Variants in MAF observed in about 807,000 individuals in gnomAD.
The protein encoded by MAF is MAF bZIP transcription factor.
In MAF, 10 loss-of-function variants were observed where a neutral mutation model predicts 22.0. The ratio of observed to expected loss-of-function variants is 0.45; its 90% CI spans 0.28 to 0.77. MAF has a LOEUF of 0.77. MAF is among the 30% of genes least tolerant of loss of function. The pLI is 0.12. For synonymous variants in MAF, 337 were observed against 255.8 expected, an observed-to-expected ratio of 1.32 and a Z score of -3.03; for missense variants, 544 against 548.4, an observed-to-expected ratio of 0.99 and a Z score of 0.08.
the MAF span, among the ~76,000 whole-genome samples, chr16:79,241,756 T>A: frequency 6.6e-6 from 1 of 150,818 alleles, no homozygotes; most frequent in Non-Finnish European, 1.5e-5. Context: ...TTCACCAAGG[T>A]TGAAATAAAG....
the MAF span, among the ~76,000 whole-genome samples, chr16:79,555,159 G>C: frequency 6.6e-6 from 1 of 152,172 alleles, no homozygotes; most frequent in Non-Finnish European, 1.5e-5. Context: ...GCAGTGGCCA[G>C]CTTGGTACTG....
At chr16:79,549,573 C>T in the MAF span, among the ~76,000 whole-genome samples, 1 of 152,210 alleles carries the variant, frequency 6.6e-6, no homozygotes, top group South Asian at 2.1e-4. Context: ...GCCAGTGAAG[C>T]CCAGCTTCAA....
chr16:79,407,569 T>G, the MAF span, among the ~76,000 whole-genome samples: 2 of 152,090 alleles, frequency 1.3e-5, no homozygotes, highest in Non-Finnish European at 2.9e-5. Flanking sequence ...GTTTAATTAT[T>G]CCTAACATCA....
chr16:79,267,641 T>C, the MAF span, among the ~76,000 whole-genome samples: 1 of 152,148 alleles, frequency 6.6e-6, no homozygotes, highest in African/African-American at 2.4e-5. Context: ...TGGAGAGAGT[T>C]CTTCAGTCTT....
At chr16:79,546,811 C>T in the MAF span, among the ~76,000 whole-genome samples, 2 of 152,232 alleles carry the variant, frequency 1.3e-5, no homozygotes, top group Middle Eastern at 6.8e-3. Flanking sequence ...TTTAACCCAA[C>T]AACTGACCAA....
the MAF span, among the ~76,000 whole-genome samples, chr16:79,357,284 ACAAC>A: frequency 4.7e-5 from 7 of 147,498 alleles, no homozygotes; most frequent in African/African-American, 1.5e-4. Flanking sequence ...AACAACAACA[ACAAC>A]AACAACAACA....
At chr16:79,451,444 T>C in the MAF span, among the ~76,000 whole-genome samples, 25 of 152,244 alleles carry the variant, frequency 1.6e-4, 1 homozygote, top group Non-Finnish European at 3.1e-4. Flanking sequence ...CCAATGTCTC[T>C]GTCAGCTAAA....
At chr16:79,596,944 C>G in intron 1 of MAF, 7 of 1,048,990 alleles carry the variant, frequency 6.7e-6, no homozygotes, top group Non-Finnish European at 8.1e-6. Context: ...GTCCCAAATA[C>G]TTTAATTTTG....
At chr16:79,380,898 G>A in the MAF span, among the ~76,000 whole-genome samples, 1 of 152,342 alleles carries the variant, frequency 6.6e-6, no homozygotes, top group East Asian at 1.9e-4. Context: ...CCAAATCTGG[G>A]ATGGCCAGGG....
At chr16:79,537,836 G>A in the MAF span, among the ~76,000 whole-genome samples, 2 of 152,140 alleles carry the variant, frequency 1.3e-5, no homozygotes, top group African/African-American at 2.4e-5. Context: ...AATGACAGTC[G>A]CCGTTGATTG....
chr16:79,462,347 A>G, the MAF span, among the ~76,000 whole-genome samples: 1 of 152,178 alleles, frequency 6.6e-6, no homozygotes, highest in East Asian at 1.9e-4. Flanking sequence ...AAGTCCACCA[A>G]TTGGTAGTAG....
chr16:79,461,697 C>T, the MAF span, among the ~76,000 whole-genome samples: 1 of 152,154 alleles, frequency 6.6e-6, no homozygotes, highest in African/African-American at 2.4e-5. Context: ...GGAGAGGGCG[C>T]TCATGTCCAT....
At chr16:79,234,109 A>G in the MAF span, among the ~76,000 whole-genome samples, 1 of 152,064 alleles carries the variant, frequency 6.6e-6, no homozygotes. Flanking sequence ...ACCTTCCTGG[A>G]GTAAGCACCC....
At chr16:79,307,798 G>A in the MAF span, among the ~76,000 whole-genome samples, 8 of 152,290 alleles carry the variant, frequency 5.3e-5, no homozygotes, top group Admixed American at 2.0e-4. Flanking sequence ...CCTGGATTGT[G>A]CTAGAATGAC....
chr16:79,394,374 C>A, the MAF span, among the ~76,000 whole-genome samples: 1 of 152,166 alleles, frequency 6.6e-6, no homozygotes, highest in Admixed American at 6.5e-5. Flanking sequence ...CCGGGAGGCT[C>A]TCCCTGACTT....
At chr16:79,560,294 G>A in the MAF span, among the ~76,000 whole-genome samples, 2 of 152,072 alleles carry the variant, frequency 1.3e-5, no homozygotes, top group Admixed American at 6.5e-5. Flanking sequence ...AAATCATGAA[G>A]TGAAAAGGAT....
At chr16:79,516,689 T>A in the MAF span, among the ~76,000 whole-genome samples, 1 of 152,224 alleles carries the variant, frequency 6.6e-6, no homozygotes, top group South Asian at 2.1e-4. Context: ...ATTATTACCA[T>A]TTGGTAAATG....
chr16:79,211,993 C>G, the MAF span: 1 of 1,536,136 alleles, frequency 6.5e-7, no homozygotes, highest in African/African-American at 1.4e-5. Context: ...TATCACTTTT[C>G]TGGGGCTGGG....
the MAF span, among the ~76,000 whole-genome samples, chr16:79,292,190 A>T: frequency 2.6e-5 from 4 of 152,162 alleles, no homozygotes; most frequent in African/African-American, 9.7e-5. Flanking sequence ...TGTGCATGTG[A>T]TCTTATTTGG....
Sources: gnomAD v4.1 joint callset for allele counts (sites outside exome capture counted in the v4.1 genomes callset) on GRCh38, gnomAD v4.1.1 for gene constraint, MANE v1.5 for transcripts, NCBI Gene and HGNC (gene_info 2026-07-23, HGNC 2026-07-21) for gene names.